The following BOD1L1 variants were observed in gnomAD, a reference collection of about 807,000 sequenced individuals.
The protein encoded by BOD1L1 is biorientation of chromosomes in cell division protein 1-like 1.
Under a neutral mutation model 240.7 loss-of-function variants are expected in BOD1L1, and 86 were observed. That is an observed-to-expected ratio of 0.36 (90% CI 0.30 to 0.43). The LOEUF is 0.43. Ranked by LOEUF, BOD1L1 falls within the 20% of genes least tolerant of loss-of-function variation. BOD1L1 has a pLI of 1.00. For missense variants in BOD1L1, 3,554 were observed against 3,643.5 expected (o/e 0.98, Z 0.63); for synonymous variants, 1,268 against 1,272.3 (o/e 1.00, Z 0.07).
At chr4:13,591,253 C>A (rs1350720963) in intron 13 of BOD1L1, among the ~76,000 whole-genome samples, 2 of 152,080 alleles carry the variant, frequency 1.3e-5, no homozygotes, top group East Asian at 3.9e-4. Flanking sequence ...CCAAGTGGTG[C>A]TTTTCTCTTT....
Position 13,607,125 on chromosome 4 carries a change from T to A in BOD1L1, c.1807A>T (p.Thr603Ser), listed in dbSNP as rs745883195. ...YEEDSKETLK[T>S]SEHCEKEKIS... is the part of the protein sequence containing the mutation. ...GTTTTATTAAGGCATACCTCACTTG[T>A]TTTAAGGGTTTCTTTGGAATCTTCT... The change falls in exon 9 of 26, where the codon ACA becomes TCA. Residue 603 changes from threonine (T) to serine (S), a missense_variant. Physicochemically the swap from Thr to Ser is moderately conservative, Grantham distance 58. This residue lies in a region of BOD1L1 where 3,393 missense variants were observed against 3,427.1 expected (regional missense o/e 0.99). Transcript: ENST00000040738. 1.5e-5 allele frequency: 24 copies of A among 1,562,254 alleles called. No individual in the cohort carries two copies. The highest frequency in any genetic ancestry group is 2.1e-5 in the Non-Finnish European group (24 of 1,152,594).
intron 17 of BOD1L1, among the ~76,000 whole-genome samples, chr4:13,585,421 T>C (rs1171100373): frequency 6.6e-6 from 1 of 151,842 alleles, no homozygotes; most frequent in Non-Finnish European, 1.5e-5. Context: ...TTTAGACAGA[T>C]AATGAGAAAT....
intron 22 of BOD1L1, among the ~76,000 whole-genome samples, chr4:13,579,244 G>C (rs981383013): frequency 6.6e-6 from 1 of 152,098 alleles, no homozygotes; most frequent in Non-Finnish European, 1.5e-5. Flanking sequence ...AAGTTATAAA[G>C]ATTTCTTGTA....
chr4:13,582,175 G>T, intron 19 of BOD1L1, 62 bp downstream of exon 19: 1 of 1,369,666 alleles, frequency 7.3e-7, no homozygotes, highest in Non-Finnish European at 1.0e-6. Flanking sequence ...AGTATTTAAT[G>T]AATTTAATTT....
intron 7 of BOD1L1, 93 bp downstream of exon 7, chr4:13,609,202 T>C: frequency 1.5e-6 from 1 of 661,424 alleles, no homozygotes; most frequent in Non-Finnish European, 2.2e-6. Flanking sequence ...GATCATTTTA[T>C]TTTATATTCA....
At chr4:13,605,154 G>T in intron 9 of BOD1L1, 70 bp from the exon 10 acceptor site, 1 of 1,302,678 alleles carries the variant, frequency 7.7e-7, no homozygotes, top group Non-Finnish European at 1.0e-6. Context: ...ATAACATTTG[G>T]GTGGATTTAA....
chr4:13,595,824 CA>C (rs1308223840), intron 12 of BOD1L1, 35 bp downstream of exon 12: 2 of 1,581,016 alleles, frequency 1.3e-6, no homozygotes, highest in Non-Finnish European at 1.7e-6. Context: ...AAGGCAAAAA[CA>C]AAAACAATGT....
intron 10 of BOD1L1, among the ~76,000 whole-genome samples, chr4:13,597,906 G>A (rs1011961310): frequency 6.6e-6 from 1 of 152,146 alleles, no homozygotes; most frequent in African/African-American, 2.4e-5. Flanking sequence ...AAATCTATTA[G>A]CCTCAGCTTC....
intron 3 of BOD1L1, 93 bp downstream of exon 3, chr4:13,615,219 T>C: frequency 7.8e-7 from 1 of 1,281,652 alleles, no homozygotes; most frequent in East Asian, 2.4e-5. Context: ...AATAGCCAAA[T>C]TAAAAAATGT....
In BOD1L1 at chr4:13,575,258, A is replaced by G. The variant is rs931826001; in HGVS notation, c.9038+1580T>C. 7.2e-5 allele frequency among the ~76,000 whole-genome samples: 11 copies of G among 152,146 alleles called. No homozygotes were observed. In the East Asian group the frequency reaches 2.1e-3, roughly 29 times the overall value. The stretch of plus-strand genomic sequence containing the variant: ...TTATGTAAACACAAGATACTATTAT[A>G]TTATGCTGTTAGTGTTATTTTTGAA... On this transcript the variant is annotated intron_variant, in intron 25 of 25. Transcript: ENST00000040738.
Position 13,582,304 on chromosome 4 carries a change from T to C in BOD1L1, c.8525A>G (p.Tyr2842Cys), listed in dbSNP as rs1713295559. The C allele has an allele frequency of 6.2e-7, 1 of 1,612,608 alleles. No individual in the cohort carries two copies. The highest frequency in any genetic ancestry group is 8.5e-7 in the Non-Finnish European group (1 of 1,179,196). Reference sequence around the variant, plus strand: ...TTCACCAGTAGTTTCACTGCTGCTATATTCATCTGTAGAAAAGGAAGAACT... The same window carrying C: ...TTCACCAGTAGTTTCACTGCTGCTACATTCATCTGTAGAAAAGGAAGAACT... ...TSRVMEEKDE[Y>C]SSSETTGEKP... Residue 2842 changes from tyrosine (Y) to cysteine (C), a missense_variant, in exon 19 of 26, where the codon TAT becomes TGT. Physicochemically the swap from Tyr to Cys is radical, Grantham distance 194. Transcript: ENST00000040738.
chr4:13,577,278 TCA>T, intron 24 of BOD1L1, 123 bp downstream of exon 24: 1 of 827,588 alleles, frequency 1.2e-6, no homozygotes, highest in Non-Finnish European at 1.9e-6. Flanking sequence ...TAGACCTATT[TCA>T]CACATATTTA....
intron 5 of BOD1L1, among the ~76,000 whole-genome samples, chr4:13,612,481 T>C (rs1004717167): frequency 3.3e-5 from 5 of 152,184 alleles, no homozygotes; most frequent in African/African-American, 9.7e-5. Context: ...GGTCTCTCTG[T>C]GACTTTGTCT....
chr4:13,587,741 T>G lies in BOD1L1; in HGVS notation c.8311A>C (p.Arg2771=), dbSNP rs759950314. The part of the protein sequence containing the change: ...VEEEERHMPK[R]KRKQHYLSSE... ...GAGAGATAATGCTGCTTTCTTTTTC[T>G]TTTAGGCATATGCCTTTCTTCCTCT... is the stretch of plus-strand genomic sequence containing the variant. The change falls in exon 16 of 26, where the codon AGA becomes CGA. Residue 2771 remains arginine (R), a synonymous_variant. Transcript: ENST00000040738. 1 of 1,559,600 alleles carries G rather than the reference T, an allele frequency of 6.4e-7. No homozygotes were observed. Among genetic ancestry groups the G allele is most frequent in the East Asian group, 2.3e-5 (1 of 42,630 alleles).
At chr4:13,625,426 A>G (rs1354459451) in intron 1 of BOD1L1, 1 of 152,180 alleles carries the variant, frequency 6.6e-6, no homozygotes, top group Non-Finnish European at 1.5e-5. Flanking sequence ...CTTCCCTCCA[A>G]AAAAGGTTTT....
rs1323086963 is a variant in BOD1L1, at chr4:13,613,768, T to G, written c.1175-107A>C. On this transcript the variant is annotated intron_variant, in intron 4 of 25. Coordinates refer to ENST00000040738, the MANE Select transcript of BOD1L1 (RefSeq NM_148894.3). This position sits in a 1 kb window ranked among gnomAD's most constrained non-coding sequence, Gnocchi z 4.0. ...TAAAATTTTCTGCTTTAAATACGTG[T>G]CAAACTATCAAACAAGGCAGAGTGG... 1 of 814,456 alleles carries G rather than the reference T, an allele frequency of 1.2e-6. No individual in the cohort carries two copies. The highest frequency in any genetic ancestry group is 1.7e-6 in the Non-Finnish European group (1 of 575,008). The allele number at this position is 814,456 out of a possible 1,614,324, so 50.5% of individuals were successfully genotyped here. A position where few individuals can be genotyped will look rare whatever the true frequency, so the allele number is the denominator to read the frequency against.
intron 9 of BOD1L1, 143 bp from the exon 10 acceptor site, chr4:13,605,227 G>A: frequency 6.5e-6 from 4 of 615,666 alleles, no homozygotes; most frequent in Non-Finnish European, 9.6e-6. Flanking sequence ...CTGTGTAGGT[G>A]TCAAAAACTC....
chr4:13,589,051 G>A (rs562128192), intron 14 of BOD1L1, among the ~76,000 whole-genome samples: 13 of 152,262 alleles, frequency 8.5e-5, no homozygotes, highest in Admixed American at 5.2e-4. Context: ...CATGTCTGGG[G>A]TAACAACACT....
At chr4:13,627,209 C>G (rs1321486445) in intron 1 of BOD1L1, 136 bp downstream of exon 1, 1 of 366,950 alleles carries the variant, frequency 2.7e-6, no homozygotes, top group Non-Finnish European at 4.3e-6. Flanking sequence ...AAAGGACACG[C>G]TAAGGAATGA....
Sources: allele counts gnomAD v4.1 joint callset (sites outside exome capture counted in the v4.1 genomes callset), GRCh38; gene constraint gnomAD v4.1.1; regional missense constraint gnomAD v4.1.1; non-coding constraint Gnocchi (gnomAD v3.1); transcripts MANE v1.5; gene names NCBI Gene and HGNC (gene_info 2026-07-23, HGNC 2026-07-21).